KIAA1614: variants seen among roughly 807,000 people sequenced by gnomAD.
KIAA1614 encodes uncharacterized protein KIAA1614.
A neutral mutation model predicts 88.7 loss-of-function variants in KIAA1614; 76 were observed. The observed-to-expected ratio is 0.86, with a 90% CI of 0.71 to 1.04. The LOEUF (loss-of-function observed/expected upper bound fraction) is 1.04, where lower values mean the gene tolerates loss of function less well. Among genes scored for constraint, KIAA1614 ranks in the 50% least tolerant of loss-of-function variants. The pLI is 0.00. For missense variants in KIAA1614, 1,553 were observed against 1,582.5 expected (o/e 0.98, Z 0.32); for synonymous variants, 714 against 675.5 (o/e 1.06, Z -0.88).
Position 180,913,100 on chromosome 1 carries a change from C to G in KIAA1614, c.-144C>G, listed in dbSNP as rs966672691. On this transcript the variant is annotated 5_prime_UTR_variant, in exon 1 of 9. Coordinates refer to ENST00000367588, the MANE Select transcript of KIAA1614 (RefSeq NM_020950.2). ...GGCCCGGCCTCGGCGCCGTCCCGGA[C>G]CCCCAGTCGGCCGCGCCCCGAGGGG... 17 of 499,776 alleles carry G rather than the reference C, an allele frequency of 3.4e-5. No individual in the cohort carries two copies. The highest frequency in any genetic ancestry group is 4.6e-5 in the Non-Finnish European group (15 of 326,432). 31.0% of individuals were successfully genotyped at this position (499,776 alleles called of 1,614,324 possible).
At chr1:180,919,534 T>C (rs777072043) in intron 3 of KIAA1614, among the ~76,000 whole-genome samples, 2 of 152,062 alleles carry the variant, frequency 1.3e-5, no homozygotes, top group African/African-American at 2.4e-5. Flanking sequence ...GCAGATGCCC[T>C]CTTCTGCAGA....
At position 180,935,201 on chromosome 1, in the gene KIAA1614, C is replaced by T; in HGVS notation, c.1292C>T (p.Ser431Phe). Residue 431 changes from serine to phenylalanine, a missense_variant, in exon 5 of 9, where the codon TCC becomes TTC. Coordinates refer to ENST00000367588, the MANE Select transcript of KIAA1614 (RefSeq NM_020950.2). The surrounding 1 kb of genome is among the most constrained non-coding windows in gnomAD (Gnocchi z 6.1). Reference protein sequence around the residue: ...SLQNGHTSDSSSGESSGGHRP... With the variant: ...SLQNGHTSDSFSGESSGGHRP... ...CAGAACGGGCACACGAGCGATTCCTCCAGCGGAGAGTCCAGCGGTGGGCAC... is the reference window on the plus strand; with the variant it reads ...CAGAACGGGCACACGAGCGATTCCTTCAGCGGAGAGTCCAGCGGTGGGCAC... The T allele has an allele frequency of 1.3e-6, 2 of 1,506,532 alleles. No individual in the cohort carries two copies. The highest frequency in any genetic ancestry group is 1.8e-6 in the Non-Finnish European group (2 of 1,128,904). 93.3% of individuals were successfully genotyped at this position (1,506,532 alleles called of 1,614,324 possible). A position where few individuals can be genotyped will look rare whatever the true frequency, so the allele number is the denominator to read the frequency against.
chr1:180,922,405 G>T (rs1355497217), intron 3 of KIAA1614, among the ~76,000 whole-genome samples: 1 of 152,096 alleles, frequency 6.6e-6, no homozygotes, highest in African/African-American at 2.4e-5. Context: ...GTGAGTGATC[G>T]AGGACCAAAA....
At chr1:180,913,360 G>C (rs1044778102) in intron 1 of KIAA1614, 67 bp downstream of exon 1, 32 of 1,084,086 alleles carry the variant, frequency 3.0e-5, no homozygotes, top group Middle Eastern at 6.9e-4. Flanking sequence ...GCGGAGGAGC[G>C]GGGAGCCCAG....
intron 7 of KIAA1614, 195 bp from the exon 8 acceptor site, chr1:180,944,194 T>C (rs986212556): frequency 4.2e-5 from 19 of 453,842 alleles, no homozygotes; most frequent in Non-Finnish European, 7.0e-5. Context: ...CTCCCTTGAC[T>C]CCTCAGATGG....
intron 2 of KIAA1614, 140 bp from the exon 3 acceptor site, chr1:180,917,711 C>T: frequency 1.4e-6 from 1 of 716,082 alleles, no homozygotes; most frequent in Non-Finnish European, 2.5e-6. Context: ...GCTCAGCCTC[C>T]AATTTTCAGG....
At chr1:180,916,040 C>T (rs1162115229) in intron 1 of KIAA1614, 114 bp from the exon 2 acceptor site, 2 of 634,222 alleles carry the variant, frequency 3.2e-6, no homozygotes, top group African/African-American at 3.6e-5. Context: ...TGCTCTGTCT[C>T]CAGGTTACTT....
chr1:180,913,421 G>A, intron 1 of KIAA1614, 128 bp downstream of exon 1: 1 of 521,380 alleles, frequency 1.9e-6, no homozygotes, highest in East Asian at 3.6e-5. Context: ...GAGCTGGAAG[G>A]GTCGTGGGGA....
Position 180,936,364 on chromosome 1 carries a change from C to T in KIAA1614, c.2455C>T (p.Pro819Ser), listed in dbSNP as rs1654334075. The part of the protein sequence containing the change: ...TPPPSRKTTS[P>S]VSHRKAALAG... The stretch of plus-strand genomic sequence containing the variant: ...TCCCCCTTCGAGGAAAACCACCTCG[C>T]CAGTGTCTCACAGGAAGGCAGCCCT... Residue 819 changes from proline (P) to serine (S), a missense_variant, in exon 5 of 9, where the codon CCA becomes TCA. Coordinates refer to ENST00000367588, the MANE Select transcript of KIAA1614 (RefSeq NM_020950.2). 6.2e-7 allele frequency: 1 copy of T among 1,614,126 alleles called. No homozygotes were observed. Among genetic ancestry groups the T allele is most frequent in the Non-Finnish European group, 8.5e-7 (1 of 1,180,046 alleles).
intron 3 of KIAA1614, among the ~76,000 whole-genome samples, chr1:180,926,678 G>A (rs1253108892): frequency 6.6e-6 from 1 of 152,214 alleles, no homozygotes; most frequent in East Asian, 1.9e-4. Flanking sequence ...TCACCGGAAG[G>A]CTCCGAGTGT....
chr1:180,925,870 A>AG (rs397938206), intron 3 of KIAA1614, among the ~76,000 whole-genome samples: 40,421 of 152,122 alleles, frequency 0.27, 6,114 homozygotes, highest in Middle Eastern at 0.35. Context: ...AACTCCCCCA[A>AG]GGGGGGACCT....
intron 6 of KIAA1614, 44 bp downstream of exon 6, chr1:180,938,755 A>T (rs769479288): frequency 4.6e-5 from 73 of 1,598,320 alleles, no homozygotes; most frequent in Admixed American, 6.7e-5. Flanking sequence ...GGAGGTGGGA[A>T]TGGGGGCTCT....
chr1:180,920,090 A>G (rs1368037299), intron 3 of KIAA1614, among the ~76,000 whole-genome samples: 1 of 152,158 alleles, frequency 6.6e-6, no homozygotes, highest in African/African-American at 2.4e-5. Flanking sequence ...GGCGCTCTGC[A>G]GTGAGGTCCC....
rs1044863678 is a variant in KIAA1614 at position 180,936,632 on chromosome 1, G to T, written c.2723G>T (p.Ser908Ile). The T allele has an allele frequency of 2.7e-5, 42 of 1,580,274 alleles. No homozygotes were observed. Among genetic ancestry groups the T allele is most frequent in the Non-Finnish European group, 3.5e-5 (41 of 1,165,960 alleles). The stretch of plus-strand genomic sequence containing the variant: ...GGTAGGGTGGAGAGGGGCCCCTGCA[G>T]CCGGGAACCGGAGCCGCCCCTGGAG... ...HEGRVERGPC[S>I]REPEPPLENS... is the part of the protein sequence containing the mutation. The change falls in exon 5 of 9, where the codon AGC becomes ATC. Residue 908 changes from serine (S) to isoleucine (I), a missense_variant. By Grantham distance (142) the Ser-to-Ile change is moderately radical. Transcript: ENST00000367588.
At chr1:180,927,592 A>G (rs1244831072) in intron 3 of KIAA1614, among the ~76,000 whole-genome samples, 1 of 152,104 alleles carries the variant, frequency 6.6e-6, no homozygotes, top group Non-Finnish European at 1.5e-5. Flanking sequence ...TGTCAGTGGG[A>G]GATTGTGGGT....
chr1:180,935,240 G>A lies in KIAA1614; in HGVS notation c.1331G>A (p.Gly444Asp). Residue 444 changes from glycine (G) to aspartate (D), a missense_variant, in exon 5 of 9, where the codon GGC becomes GAC. Coordinates refer to ENST00000367588, the MANE Select transcript of KIAA1614 (RefSeq NM_020950.2). This position sits in a 1 kb window ranked among gnomAD's most constrained non-coding sequence, Gnocchi z 6.1. ...AGCGGTGGGCACAGGCCGAGGCGGGGCCCCTCGCCGTCGCACGTGCGCTTT... is the reference window on the plus strand; with the variant it reads ...AGCGGTGGGCACAGGCCGAGGCGGGACCCCTCGCCGTCGCACGTGCGCTTT... ...ESSGGHRPRR[G>D]PSPSHVRFED... 6.5e-7 allele frequency: 1 copy of A among 1,531,130 alleles called. No individual in the cohort carries two copies. The highest frequency in any genetic ancestry group is 8.8e-7 in the Non-Finnish European group (1 of 1,142,382). The allele number at this position is 1,531,130 out of a possible 1,614,324, so 94.8% of individuals were successfully genotyped here.
intron 4 of KIAA1614, among the ~76,000 whole-genome samples, chr1:180,931,161 C>T (rs993802820): frequency 5.9e-5 from 9 of 152,184 alleles, no homozygotes; most frequent in Non-Finnish European, 1.2e-4. Flanking sequence ...AATGGAGCAG[C>T]TCCTGGAAGC....
chr1:180,939,607 G>A (rs968488684), intron 6 of KIAA1614, among the ~76,000 whole-genome samples: 1 of 151,952 alleles, frequency 6.6e-6, no homozygotes, highest in Non-Finnish European at 1.5e-5. Context: ...AATTCTAGTC[G>A]CCCCTACCTG....
In KIAA1614 at chr1:180,947,645, G is replaced by A. The variant is rs1388243616; in HGVS notation, c.*2057G>A. The A allele has an allele frequency of 2.0e-5, 3 of 152,246 alleles. No individual in the cohort carries two copies. Among genetic ancestry groups the A allele is most frequent in the Non-Finnish European group, 4.4e-5 (3 of 68,086 alleles). 9.4% of individuals were successfully genotyped at this position (152,246 alleles called of 1,614,324 possible). On this transcript the variant is annotated 3_prime_UTR_variant, in exon 9 of 9. Coordinates refer to ENST00000367588, the MANE Select transcript of KIAA1614 (RefSeq NM_020950.2). Reference sequence around the variant, plus strand: ...GTTAGGGGAGCAGGACAGGCCCCCCGGACAGGTGGTGTGAAGGCAGAGGCA... The same window carrying A: ...GTTAGGGGAGCAGGACAGGCCCCCCAGACAGGTGGTGTGAAGGCAGAGGCA...
Sources: gnomAD v4.1 joint callset for allele counts (sites outside exome capture counted in the v4.1 genomes callset) on GRCh38, gnomAD v4.1.1 for gene constraint, Gnocchi (gnomAD v3.1) non-coding constraint, MANE v1.5 for transcripts, NCBI Gene and HGNC (gene_info 2026-07-23, HGNC 2026-07-21) for gene names.